Variants in PRELID2 observed in about 807,000 individuals in gnomAD.
PRELID2 encodes PRELI domain containing 2.
A neutral mutation model predicts 28.4 loss-of-function variants in PRELID2; 25 were observed. The ratio of observed to expected loss-of-function variants is 0.88; its 90% CI spans 0.64 to 1.23. The LOEUF is 1.23. Ranked by LOEUF, PRELID2 falls within the 50% of genes most tolerant of loss-of-function variation. The probability of loss-of-function intolerance (pLI) is 0.00; values close to 1 mark genes in which losing one functional copy is unlikely to be tolerated. For synonymous variants in PRELID2, 76 were observed against 71.6 expected, an observed-to-expected ratio of 1.06 and a Z score of -0.31; for missense variants, 201 against 214.4, an observed-to-expected ratio of 0.94 and a Z score of 0.39.
intron 1 of PRELID2, among the ~76,000 whole-genome samples, chr5:145,536,372 A>T (rs1225410443): frequency 6.6e-6 from 1 of 151,986 alleles, no homozygotes; most frequent in Non-Finnish European, 1.5e-5. Context: ...CTGCTGAAGA[A>T]TCTAAAATTA....
chr5:145,418,003 C>T, the PRELID2 span, among the ~76,000 whole-genome samples: 1,930 of 152,308 alleles, frequency 0.013, 36 homozygotes, highest in African/African-American at 0.044. Context: ...TCCATCATCT[C>T]AGCCCAAAAT....
At chr5:145,327,145 T>A in the PRELID2 span, among the ~76,000 whole-genome samples, 1 of 152,164 alleles carries the variant, frequency 6.6e-6, no homozygotes, top group Non-Finnish European at 1.5e-5. Context: ...TGGTCTATAT[T>A]GTTATTCAGG....
chr5:145,581,795 T>G (rs1753109943), intron 1 of PRELID2, among the ~76,000 whole-genome samples: 1 of 152,060 alleles, frequency 6.6e-6, no homozygotes, highest in Non-Finnish European at 1.5e-5. Flanking sequence ...CTGCACAAGA[T>G]AAATTGAGGA....
At chr5:145,251,409 C>T in the PRELID2 span, among the ~76,000 whole-genome samples, 2 of 152,146 alleles carry the variant, frequency 1.3e-5, no homozygotes, top group Admixed American at 6.6e-5. Context: ...TATCACCAGA[C>T]TCTTGCCTTC....
chr5:145,562,779 C>T (rs534031971), intron 1 of PRELID2, among the ~76,000 whole-genome samples: 53 of 149,368 alleles, frequency 3.5e-4, no homozygotes, highest in African/African-American at 1.3e-3. Flanking sequence ...AGTTTACAGA[C>T]ACAGAAAAAA....
the PRELID2 span, among the ~76,000 whole-genome samples, chr5:145,419,896 T>C: frequency 3.3e-5 from 5 of 151,926 alleles, no homozygotes; most frequent in Admixed American, 6.6e-5. Context: ...CCATCTTGAA[T>C]TGATTTTTGT....
chr5:145,296,446 G>GT, the PRELID2 span, among the ~76,000 whole-genome samples: 7 of 149,188 alleles, frequency 4.7e-5, no homozygotes, highest in African/African-American at 1.2e-4. Context: ...GCGGTGTTTG[G>GT]TTTTTTGTTC....
At chr5:145,261,170 C>T in the PRELID2 span, among the ~76,000 whole-genome samples, 2 of 152,104 alleles carry the variant, frequency 1.3e-5, no homozygotes, top group Non-Finnish European at 2.9e-5. Flanking sequence ...CAACTCATGC[C>T]CAAGGAGAGT....
At chr5:145,419,797 T>C in the PRELID2 span, among the ~76,000 whole-genome samples, 1 of 151,982 alleles carries the variant, frequency 6.6e-6, no homozygotes, top group African/African-American at 2.4e-5. Context: ...AGACATGAAG[T>C]CCTTGCCCAT....
chr5:145,301,919 T>G, the PRELID2 span, among the ~76,000 whole-genome samples: 2 of 144,662 alleles, frequency 1.4e-5, no homozygotes, highest in Non-Finnish European at 3.0e-5. Flanking sequence ...GTCATCCAAC[T>G]TTATTCATTT....
intron 1 of PRELID2, among the ~76,000 whole-genome samples, chr5:145,488,411 C>T (rs1044650498): frequency 2.0e-5 from 3 of 152,172 alleles, no homozygotes; most frequent in African/African-American, 4.8e-5. Flanking sequence ...GGGCCACTCC[C>T]GTGTTTTTCC....
At chr5:145,296,732 G>T in the PRELID2 span, among the ~76,000 whole-genome samples, 4 of 152,036 alleles carry the variant, frequency 2.6e-5, no homozygotes, top group African/African-American at 9.7e-5. Context: ...GGGTCAAATG[G>T]TATTTCTAGT....
intron 1 of PRELID2, among the ~76,000 whole-genome samples, chr5:145,548,268 T>C (rs1320612843): frequency 6.6e-6 from 1 of 152,312 alleles, no homozygotes; most frequent in East Asian, 1.9e-4. Flanking sequence ...TCAATTTAAA[T>C]ATTGAGGAAT....
At chr5:145,371,788 T>A in the PRELID2 span, among the ~76,000 whole-genome samples, 3 of 151,844 alleles carry the variant, frequency 2.0e-5, no homozygotes, top group Non-Finnish European at 4.4e-5. Flanking sequence ...CTCTGTGGGG[T>A]CAGTGGTGAT....
At chr5:145,656,296 T>A (rs1401447265) in intron 1 of PRELID2, among the ~76,000 whole-genome samples, 2 of 152,174 alleles carry the variant, frequency 1.3e-5, no homozygotes, top group East Asian at 3.9e-4. Context: ...GCTTTTACAC[T>A]GTTGGTCGGA....
downstream of PRELID2, among the ~76,000 whole-genome samples, chr5:145,470,541 A>G (rs1752045192): frequency 6.6e-6 from 1 of 152,126 alleles, no homozygotes; most frequent in South Asian, 2.1e-4. Flanking sequence ...ACATGAGGAA[A>G]TGAGACATAA....
At chr5:145,533,893 A>G (rs1752675107) in intron 1 of PRELID2, among the ~76,000 whole-genome samples, 1 of 152,000 alleles carries the variant, frequency 6.6e-6, no homozygotes, top group African/African-American at 2.4e-5. Flanking sequence ...TTTCATTTAC[A>G]TGTCTTAGAT....
the PRELID2 span, among the ~76,000 whole-genome samples, chr5:145,323,636 G>A: frequency 6.6e-6 from 1 of 152,076 alleles, no homozygotes; most frequent in East Asian, 1.9e-4. Context: ...GTTCAAGTAA[G>A]TCCCAGCATC....
chr5:145,622,235 T>C (rs1308313472), intron 1 of PRELID2, among the ~76,000 whole-genome samples: 1 of 152,144 alleles, frequency 6.6e-6, no homozygotes, highest in African/African-American at 2.4e-5. Context: ...AATAAAATGA[T>C]CTAAACTTTA....
Sources: allele counts gnomAD v4.1 joint callset (sites outside exome capture counted in the v4.1 genomes callset), GRCh38; gene constraint gnomAD v4.1.1; transcripts MANE v1.5; gene names NCBI Gene and HGNC (gene_info 2026-07-23, HGNC 2026-07-21).